The following ENAH variants were observed in gnomAD, a reference collection of about 807,000 sequenced individuals.
ENAH encodes ENAH actin regulator.
In ENAH, 23 loss-of-function variants were observed where a neutral mutation model predicts 78.7. The ratio of observed to expected loss-of-function variants is 0.29; its 90% CI spans 0.21 to 0.41. The LOEUF (loss-of-function observed/expected upper bound fraction) is 0.41. Among genes scored for constraint, ENAH ranks in the 10% least tolerant of loss-of-function variants. The pLI is 1.00. For synonymous variants in ENAH, 226 were observed against 241.0 expected (o/e 0.94, Z 0.58); for missense variants, 544 against 691.0 (o/e 0.79, Z 2.39).
chr1:225,530,836 A>C (rs1341307551), intron 3 of ENAH, among the ~76,000 whole-genome samples, 198 bp from the exon 4 acceptor site: 1 of 152,326 alleles, frequency 6.6e-6, no homozygotes, highest in East Asian at 1.9e-4. Context: ...CATCTCCAGA[A>C]GGCTTACTTG....
At chr1:225,532,013 T>A (rs1335752875) in intron 3 of ENAH, among the ~76,000 whole-genome samples, 1 of 151,920 alleles carries the variant, frequency 6.6e-6, no homozygotes, top group African/African-American at 2.4e-5. Context: ...TAAAAAAAAA[T>A]TAATCCCATG....
At chr1:225,633,209 A>ATT (rs75430674) in intron 1 of ENAH, among the ~76,000 whole-genome samples, 5 of 142,476 alleles carry the variant, frequency 3.5e-5, no homozygotes, top group African/African-American at 1.3e-4. Context: ...CACCTGGCTA[A>ATT]TTTTTTTTTT....
chr1:225,526,807 C>T (rs987024730), intron 4 of ENAH, among the ~76,000 whole-genome samples: 7 of 151,932 alleles, frequency 4.6e-5, no homozygotes, highest in Admixed American at 3.3e-4. Context: ...GGTTTTCTTC[C>T]GCTCCCTGCA....
intron 2 of ENAH, among the ~76,000 whole-genome samples, chr1:225,558,983 T>C (rs535394588): frequency 1.2e-4 from 18 of 152,206 alleles, no homozygotes; most frequent in Non-Finnish European, 2.2e-4. Context: ...ATATTCTATA[T>C]GGCTTTAATG....
chr1:225,611,248 G>A (rs1459028556), intron 1 of ENAH, among the ~76,000 whole-genome samples: 3 of 152,124 alleles, frequency 2.0e-5, no homozygotes, highest in Non-Finnish European at 4.4e-5. Context: ...AGGACTGTAT[G>A]AGCCTGGGAG....
rs376923131 is a variant in ENAH at position 225,590,969 on chromosome 1, TA to T, written c.6-23556del. Among the ~76,000 whole-genome samples the T allele has an allele frequency of 5.2e-3, 793 of 152,356 alleles. 2 individuals are homozygous for T. Among genetic ancestry groups the T allele is most frequent in the South Asian group, 0.014 (66 of 4,828 alleles). ...GGAATAGTTCAATTAGAATCTTTTATAAAATACATTTACTTTTCCATTGGCT... is the reference window on the plus strand; with the variant it reads ...GGAATAGTTCAATTAGAATCTTTTATAAATACATTTACTTTTCCATTGGCT... On this transcript the variant is annotated intron_variant, in intron 1 of 13. Coordinates refer to ENST00000366843, the MANE Select transcript of ENAH (RefSeq NM_018212.6).
rs936306156 is a variant in ENAH, at chr1:225,613,688, A to G, written c.5+38998T>C. ...AAATAACTAATTATAAACTCTTCCT[A>G]ATAAGGGATAATGCTCTACTACACC... On this transcript the variant is annotated intron_variant, in intron 1 of 13. Coordinates refer to ENST00000366843, the MANE Select transcript of ENAH (RefSeq NM_018212.6). Among the ~76,000 whole-genome samples, 8 of 152,160 alleles carry G rather than the reference A, an allele frequency of 5.3e-5. No homozygotes were observed. The South Asian group carries it at 8.3e-4, about 16-fold the overall frequency.
intron 1 of ENAH, among the ~76,000 whole-genome samples, chr1:225,605,453 A>C (rs1166883321): frequency 1.3e-5 from 2 of 152,184 alleles, no homozygotes; most frequent in Non-Finnish European, 2.9e-5. Context: ...AAGTTACAAA[A>C]ATTTAGGGAA....
At chr1:225,538,787 C>T (rs1282910873) in intron 3 of ENAH, among the ~76,000 whole-genome samples, 1 of 152,090 alleles carries the variant, frequency 6.6e-6, no homozygotes, top group Admixed American at 6.6e-5. Flanking sequence ...TTTTGTAAGC[C>T]GTTTATTTTT....
At chr1:225,598,261 TATA>T (rs2147970628) in intron 1 of ENAH, among the ~76,000 whole-genome samples, 1 of 152,076 alleles carries the variant, frequency 6.6e-6, no homozygotes, top group East Asian at 1.9e-4. Context: ...AAGTAAATTA[TATA>T]ATATCTTGCT....
intron 1 of ENAH, among the ~76,000 whole-genome samples, chr1:225,591,790 A>AAAAAAAAAAAAAG (rs1558871378): frequency 6.8e-6 from 1 of 147,138 alleles, no homozygotes; most frequent in African/African-American, 2.5e-5. Context: ...AAAAAAAAAA[A>AAAAAAAAAAAAAG]GGGCTTCAAA....
intron 1 of ENAH, among the ~76,000 whole-genome samples, chr1:225,649,682 A>C (rs1662610900): frequency 6.6e-6 from 1 of 152,220 alleles, no homozygotes. Context: ...CAAAATATTA[A>C]CAAGTAAATC....
intron 1 of ENAH, among the ~76,000 whole-genome samples, chr1:225,629,799 CA>C (rs1658670560): frequency 6.6e-6 from 1 of 152,096 alleles, no homozygotes; most frequent in Non-Finnish European, 1.5e-5. Context: ...TCTAAACTGC[CA>C]ATACTACAAT....
At chr1:225,564,114 T>C (rs78975510) in intron 2 of ENAH, among the ~76,000 whole-genome samples, 1 of 151,872 alleles carries the variant, frequency 6.6e-6, no homozygotes, top group Non-Finnish European at 1.5e-5. Context: ...ATTCTGCAAG[T>C]TTTTTTTGTT....
intron 1 of ENAH, among the ~76,000 whole-genome samples, chr1:225,591,329 C>T (rs2096874503): frequency 1.3e-5 from 2 of 151,820 alleles, no homozygotes; most frequent in African/African-American, 2.4e-5. Context: ...ATTAGAAGGG[C>T]GTGGTGGTGA....
chr1:225,514,696 G>T lies in ENAH; in HGVS notation c.1118C>A (p.Pro373His), dbSNP rs2096403760. ...GGATGCCAAAAAGAATCCAGATGCA[G>T]GGAGGGGTGGGGCAGGAGGTGGTGG... ...PPPPPPAPPLPASGFFLASMS... is the reference protein window; with the variant it reads ...PPPPPPAPPLHASGFFLASMS... Residue 373 changes from proline (P) to histidine (H), a missense_variant, in exon 7 of 14, where the codon CCT becomes CAT. Physicochemically the swap from Pro to His is moderately conservative, Grantham distance 77. Around this residue, in one of 4 missense-constraint regions of ENAH, gnomAD observed 366 missense variants for 396.1 expected, o/e 0.92. Transcript: ENST00000366843. 1 of 1,604,190 alleles carries T rather than the reference G, an allele frequency of 6.2e-7. No homozygotes were observed. The highest frequency in any genetic ancestry group is 8.5e-7 in the Non-Finnish European group (1 of 1,173,202).
rs1415806637 is a variant in ENAH at position 225,487,952 on chromosome 1, A to T, written c.*9823T>A. On this transcript the variant is annotated 3_prime_UTR_variant, in exon 14 of 14. Transcript: ENST00000366843. ...CAACTTGGTAGGCCTGAAAAAAAAA[A>T]GTATTTAACCTTCTAAATCTCATAA... 6.6e-6 allele frequency: 1 copy of T among 152,128 alleles called. No homozygotes were observed. Among genetic ancestry groups the T allele is most frequent in the Non-Finnish European group, 1.5e-5 (1 of 68,020 alleles). The allele number at this position is 152,128 out of a possible 1,614,324, so 9.4% of individuals were successfully genotyped here. A position where few individuals can be genotyped will look rare whatever the true frequency, so the allele number is the denominator to read the frequency against.
At chr1:225,559,920 T>C (rs1470797054) in intron 2 of ENAH, among the ~76,000 whole-genome samples, 2 of 152,164 alleles carry the variant, frequency 1.3e-5, no homozygotes, top group African/African-American at 4.8e-5. Flanking sequence ...AAAAGACTCA[T>C]CTGTCATCTC....
At chr1:225,534,205 A>G (rs1218452494) in intron 3 of ENAH, among the ~76,000 whole-genome samples, 7 of 152,090 alleles carry the variant, frequency 4.6e-5, no homozygotes, top group Non-Finnish European at 7.4e-5. Flanking sequence ...TAGCCCGGAA[A>G]AACCCCCAGG....
Sources: gnomAD v4.1 joint callset for allele counts (sites outside exome capture counted in the v4.1 genomes callset) on GRCh38, gnomAD v4.1.1 for gene constraint, gnomAD v4.1.1 regional missense constraint, MANE v1.5 for transcripts, NCBI Gene and HGNC (gene_info 2026-07-23, HGNC 2026-07-21) for gene names.